Variants in SPATA22 observed in about 807,000 individuals in gnomAD.
SPATA22 encodes the protein spermatogenesis associated 22.
In SPATA22, 29 loss-of-function variants were observed where a neutral mutation model predicts 47.8. The ratio of observed to expected loss-of-function variants is 0.61; its 90% confidence interval spans 0.45 to 0.83. The LOEUF (loss-of-function observed/expected upper bound fraction) is 0.83, where lower values mean the gene tolerates loss of function less well. SPATA22 is among the 40% of genes least tolerant of loss of function. The probability of loss-of-function intolerance (pLI) is 0.00; values close to 1 mark genes in which losing one functional copy is unlikely to be tolerated. For missense variants in SPATA22, 410 were observed against 421.7 expected (o/e 0.97, Z 0.24); for synonymous variants, 133 against 140.9 (o/e 0.94, Z 0.40).
chr17:3,494,569 A>G lies in SPATA22; in HGVS notation c.-74+18843T>C, dbSNP rs531268245. The G allele has an allele frequency of 4.2e-4, 370 of 877,110 alleles. 2 individuals carry two copies. In the South Asian group the frequency reaches 4.8e-3, roughly 11 times the overall value. 54.3% of individuals were successfully genotyped at this position (877,110 alleles called of 1,614,324 possible). A position where few individuals can be genotyped will look rare whatever the true frequency, so the allele number is the denominator to read the frequency against. On this transcript the variant is annotated intron_variant, in intron 1 of 8. Coordinates refer to the SPATA22 transcript ENST00000541913. ...GTACATTCGCCCATTTGATGCTCTCATTAGACACTGAGTGTAGATAGGGAA... is the reference window on the plus strand; with the variant it reads ...GTACATTCGCCCATTTGATGCTCTCGTTAGACACTGAGTGTAGATAGGGAA...
At chr17:3,469,519 G>GCTA in intron 1 of SPATA22, 121 bp from the exon 2 acceptor site, 1 of 511,028 alleles carries the variant, frequency 2.0e-6, no homozygotes, top group Non-Finnish European at 3.4e-6. Context: ...AACACTTTAG[G>GCTA]GAGTCCTTTG....
chr17:3,460,052 G>A (rs961085065), intron 5 of SPATA22, among the ~76,000 whole-genome samples: 1 of 152,124 alleles, frequency 6.6e-6, no homozygotes, highest in Non-Finnish European at 1.5e-5. Context: ...AGAGCAATAG[G>A]CATTCTAAGT....
chr17:3,451,774 C>G (rs908182477), intron 5 of SPATA22, among the ~76,000 whole-genome samples: 5 of 151,822 alleles, frequency 3.3e-5, no homozygotes, highest in African/African-American at 1.2e-4. Flanking sequence ...TGGTGAAACC[C>G]CGTCTCTACT....
At chr17:3,502,139 T>G (rs1341591738) in intron 1 of SPATA22, 2 of 152,192 alleles carry the variant, frequency 1.3e-5, no homozygotes, top group Non-Finnish European at 2.9e-5. Context: ...CAGGCAGCCA[T>G]CATCAAGGCA....
chr17:3,474,756 G>A (rs1291077179), upstream of SPATA22, among the ~76,000 whole-genome samples: 1 of 152,172 alleles, frequency 6.6e-6, no homozygotes, highest in Middle Eastern at 3.2e-3. Flanking sequence ...ATGCATGTTT[G>A]TTTCCTGAGC....
At chr17:3,479,642 C>T (rs890892359) in intron 1 of SPATA22, among the ~76,000 whole-genome samples, 11 of 151,964 alleles carry the variant, frequency 7.2e-5, no homozygotes, top group Non-Finnish European at 4.4e-5. Context: ...CCCCCTGCAC[C>T]GACTCGACGT....
At chr17:3,449,181 CTA>C (rs2072800398) in intron 5 of SPATA22, 32 bp from the exon 6 acceptor site, 19 of 1,443,426 alleles carry the variant, frequency 1.3e-5, no homozygotes, top group Non-Finnish European at 1.7e-5. Flanking sequence ...GCATTTGTTT[CTA>C]TATGGTTTCT....
chr17:3,449,187 G>A (rs1434869619), intron 5 of SPATA22, 38 bp from the exon 6 acceptor site: 6 of 1,406,266 alleles, frequency 4.3e-6, no homozygotes, highest in African/African-American at 1.5e-5. Flanking sequence ...GTTTCTATAT[G>A]GTTTCTTAAT....
intron 1 of SPATA22, among the ~76,000 whole-genome samples, chr17:3,487,375 A>G (rs1430968361): frequency 6.6e-6 from 1 of 152,210 alleles, no homozygotes; most frequent in Non-Finnish European, 1.5e-5. Context: ...TAACATTTCT[A>G]ATTATTTACA....
Position 3,490,110 on chromosome 17 carries a change from TAA to T in SPATA22, c.-73-20714_-73-20713del, listed in dbSNP as rs1206605469. Among the ~76,000 whole-genome samples, 1 of 152,154 alleles carries T rather than the reference TAA, an allele frequency of 6.6e-6. No homozygotes were observed. The highest frequency in any genetic ancestry group is 1.5e-5 in the Non-Finnish European group (1 of 68,020). On this transcript the variant is annotated intron_variant, in intron 1 of 8. Transcript: ENST00000541913. This position sits in a 1 kb window ranked among gnomAD's most constrained non-coding sequence, Gnocchi z 4.6. ...CACCTTCTAGGATACATATATATGT[TAA>T]CACATCACAGGGAAAGTCCTAGAAG...
At chr17:3,449,487 T>C (rs1457223726) in intron 5 of SPATA22, among the ~76,000 whole-genome samples, 1 of 152,232 alleles carries the variant, frequency 6.6e-6, no homozygotes, top group Non-Finnish European at 1.5e-5. Flanking sequence ...ATGATAGTAG[T>C]TGTATCCAAG....
intron 7 of SPATA22, among the ~76,000 whole-genome samples, chr17:3,444,800 A>G (rs1405216200): frequency 2.0e-5 from 3 of 152,106 alleles, no homozygotes; most frequent in African/African-American, 7.2e-5. Flanking sequence ...CTTCCTATAT[A>G]CAGTGCAGTG....
At chr17:3,475,775 A>G (rs1027851508), upstream of SPATA22, 3 of 209,374 alleles carry the variant, frequency 1.4e-5, no homozygotes, top group Admixed American at 1.6e-4. Flanking sequence ...ATTATTACAG[A>G]TAATTGTGAA....
rs562602605 is a variant in SPATA22, at chr17:3,462,807, T to G, written c.173-40A>C. On this transcript the variant is annotated intron_variant, in intron 3 of 8. Coordinates refer to ENST00000572969, the MANE Select transcript of SPATA22 (RefSeq NM_001170698.2). ...GTAACATAGATAAAAGTAAGATAGG[T>G]AGTATTTTTCAAAATGATAAATTCA... 4.3e-5 allele frequency: 63 copies of G among 1,454,968 alleles called. No homozygotes were observed. The South Asian group carries it at 6.8e-4, about 16-fold the overall frequency. The allele number at this position is 1,454,968 out of a possible 1,614,324, so 90.1% of individuals were successfully genotyped here. A position where few individuals can be genotyped will look rare whatever the true frequency, so the allele number is the denominator to read the frequency against.
chr17:3,455,219 C>T (rs1019572709), intron 5 of SPATA22, among the ~76,000 whole-genome samples: 10 of 151,958 alleles, frequency 6.6e-5, no homozygotes, highest in African/African-American at 9.6e-5. Flanking sequence ...GAGCAGGTTG[C>T]GAAAATTTTC....
intron 7 of SPATA22, among the ~76,000 whole-genome samples, chr17:3,443,764 G>T (rs1350830238): frequency 6.6e-6 from 1 of 151,752 alleles, no homozygotes; most frequent in South Asian, 2.1e-4. Context: ...TACATTTAAG[G>T]TATACAACAT....
rs184933300 is a variant in SPATA22, at chr17:3,462,186, C to T, written c.329+297G>A. On this transcript the variant is annotated intron_variant, in intron 5 of 8. Coordinates refer to ENST00000572969, the MANE Select transcript of SPATA22 (RefSeq NM_001170698.2). Reference sequence around the variant, plus strand: ...CTATTGTCAATTAAATCATTAATAACCCATAAGCAAAATCATAAATTCATA... The same window carrying T: ...CTATTGTCAATTAAATCATTAATAATCCATAAGCAAAATCATAAATTCATA... 9.9e-5 allele frequency among the ~76,000 whole-genome samples: 15 copies of T among 152,262 alleles called. No individual in the cohort carries two copies. In the East Asian group the frequency reaches 2.5e-3, roughly 25 times the overall value.
chr17:3,484,879 CTG>C (rs2073692921), intron 1 of SPATA22, among the ~76,000 whole-genome samples: 1 of 152,208 alleles, frequency 6.6e-6, no homozygotes, highest in Non-Finnish European at 1.5e-5. Context: ...ACTTGATACA[CTG>C]TGTTCTCCAT....
chr17:3,496,790 GGA>G (rs2073914024), intron 1 of SPATA22, among the ~76,000 whole-genome samples: 1 of 152,236 alleles, frequency 6.6e-6, no homozygotes, highest in East Asian at 1.9e-4. Context: ...TTCCTGGCCA[GGA>G]GCGGTGGCTC....
Sources: gnomAD v4.1 joint callset for allele counts (sites outside exome capture counted in the v4.1 genomes callset) on GRCh38, gnomAD v4.1.1 for gene constraint, Gnocchi (gnomAD v3.1) non-coding constraint, MANE v1.5 for transcripts, NCBI Gene and HGNC (gene_info 2026-07-23, HGNC 2026-07-21) for gene names.